Variants in BCAS4 observed in about 807,000 individuals in gnomAD.
The protein encoded by BCAS4 is breast carcinoma-amplified sequence 4.
BCAS4 carries 9 observed loss-of-function variants against 15.7 expected under a neutral mutation model. The ratio of observed to expected loss-of-function variants is 0.57; its 90% CI spans 0.34 to 1.00. BCAS4 has a LOEUF of 1.00. Among genes scored for constraint, BCAS4 ranks in the 50% least tolerant of loss-of-function variants. BCAS4 has a pLI of 0.02. For synonymous variants in BCAS4, 101 were observed against 99.5 expected (o/e 1.02, Z -0.09); for missense variants, 225 against 239.1 (o/e 0.94, Z 0.39).
At chr20:50,868,324 C>T (rs187329123) in intron 4 of BCAS4, among the ~76,000 whole-genome samples, 1 of 152,340 alleles carries the variant, frequency 6.6e-6, no homozygotes, top group East Asian at 1.9e-4. Flanking sequence ...CAGATGCAGA[C>T]AAACAATTTG....
chr20:50,827,653 G>A (rs2088292961), intron 2 of BCAS4, among the ~76,000 whole-genome samples: 1 of 152,106 alleles, frequency 6.6e-6, no homozygotes, highest in Non-Finnish European at 1.5e-5. Context: ...ACACTTTCTT[G>A]CTTTCTGGTG....
At chr20:50,857,739 C>G (rs1978843699) in intron 4 of BCAS4, among the ~76,000 whole-genome samples, 1 of 152,312 alleles carries the variant, frequency 6.6e-6, no homozygotes, top group South Asian at 2.1e-4. Flanking sequence ...TTCCCATAAG[C>G]AACATGAGTC....
At chr20:50,827,425 C>T (rs6063566) in intron 2 of BCAS4, among the ~76,000 whole-genome samples, 33,464 of 152,162 alleles carry the variant, frequency 0.22, 5,292 homozygotes, top group African/African-American at 0.45. Flanking sequence ...GTGGTGCCTG[C>T]GGCTTTCTCC....
intron 1 of BCAS4, among the ~76,000 whole-genome samples, chr20:50,817,747 C>T (rs1049862065): frequency 6.6e-6 from 1 of 152,034 alleles, no homozygotes; most frequent in African/African-American, 2.4e-5. Flanking sequence ...GTATCTGACA[C>T]CGTCTGCAGC....
intron 2 of BCAS4, among the ~76,000 whole-genome samples, chr20:50,827,724 C>G (rs1315813556): frequency 6.6e-6 from 1 of 152,038 alleles, no homozygotes; most frequent in African/African-American, 2.4e-5. Context: ...GGGAGCCCCA[C>G]TTGAATTTTT....
chr20:50,812,432 C>A (rs1013062487), intron 1 of BCAS4, among the ~76,000 whole-genome samples: 2 of 142,886 alleles, frequency 1.4e-5, no homozygotes, highest in African/African-American at 5.3e-5. Flanking sequence ...CTGCGTCTGG[C>A]CTTTTTTTTT....
intron 1 of BCAS4, among the ~76,000 whole-genome samples, chr20:50,795,589 C>G (rs1009175177): frequency 2.0e-5 from 3 of 152,182 alleles, no homozygotes; most frequent in Non-Finnish European, 4.4e-5. Flanking sequence ...AGCGAAAACA[C>G]CACGCCTCTG....
At chr20:50,795,022 G>A (rs1337732983), upstream of BCAS4, 2 of 1,403,664 alleles carry the variant, frequency 1.4e-6, no homozygotes, top group South Asian at 1.5e-5. Context: ...GGGGCTCCGA[G>A]GCCCGGGCGC....
chr20:50,872,718 G>A (rs1979719090), intron 4 of BCAS4, among the ~76,000 whole-genome samples: 1 of 152,232 alleles, frequency 6.6e-6, no homozygotes, highest in African/African-American at 2.4e-5. Context: ...TGAGCTTCCT[G>A]GCTCATGCCC....
rs8184772 is a variant in BCAS4 at position 50,834,398 on chromosome 20, C to T, written c.264+4018C>T. Among the ~76,000 whole-genome samples, 18 of 148,994 alleles carry T rather than the reference C, an allele frequency of 1.2e-4. No homozygotes were observed. The East Asian group carries it at 2.8e-3, about 23-fold the overall frequency. ...GCAACCTCTGCCTCCCAGGTTCGAG[C>T]GATTCTCCTGCCTCAGCCTCCCGAG... is the stretch of plus-strand genomic sequence containing the variant. On this transcript the variant is annotated intron_variant, in intron 3 of 4. Transcript: ENST00000371608.
intron 1 of BCAS4, among the ~76,000 whole-genome samples, chr20:50,806,065 G>T (rs1453098246): frequency 6.6e-6 from 1 of 152,078 alleles, no homozygotes; most frequent in Non-Finnish European, 1.5e-5. Flanking sequence ...TTTATTACCT[G>T]CATGGCTTCG....
chr20:50,821,259 G>A (rs1262999882), intron 2 of BCAS4, among the ~76,000 whole-genome samples: 3 of 152,240 alleles, frequency 2.0e-5, no homozygotes, highest in African/African-American at 7.2e-5. Context: ...AAGAGAACAT[G>A]CATCCTTTTG....
At chr20:50,840,546 G>T in intron 3 of BCAS4, 6 of 1,489,408 alleles carry the variant, frequency 4.0e-6, no homozygotes, top group Non-Finnish European at 5.6e-6. Context: ...GAGTTAAACA[G>T]CTAAAAGAAG....
chr20:50,817,805 G>A (rs1244991692), intron 1 of BCAS4, among the ~76,000 whole-genome samples: 1 of 151,984 alleles, frequency 6.6e-6, no homozygotes, highest in African/African-American at 2.4e-5. Context: ...GTTTATTAGA[G>A]CAGGCTGTGA....
chr20:50,820,940 A>G (rs1234233844), intron 2 of BCAS4, among the ~76,000 whole-genome samples: 1 of 152,158 alleles, frequency 6.6e-6, no homozygotes, highest in Non-Finnish European at 1.5e-5. Flanking sequence ...CATTTTTAGA[A>G]TTTCATGTGA....
intron 1 of BCAS4, among the ~76,000 whole-genome samples, chr20:50,806,862 C>CTTTTTT (rs34670373): frequency 3.6e-5 from 3 of 83,356 alleles, no homozygotes; most frequent in Non-Finnish European, 6.4e-5. Flanking sequence ...TCCATTTATA[C>CTTTTTT]TTTTTTTTTT....
intron 4 of BCAS4, among the ~76,000 whole-genome samples, chr20:50,842,608 G>T (rs1407005068): frequency 2.0e-5 from 3 of 152,184 alleles, no homozygotes; most frequent in Non-Finnish European, 2.9e-5. Flanking sequence ...AGTAGAGATG[G>T]GGTTTCACCA....
chr20:50,822,124 T>TGGGCTGGTTG (rs923573655), intron 2 of BCAS4, among the ~76,000 whole-genome samples: 3 of 152,114 alleles, frequency 2.0e-5, no homozygotes, highest in Admixed American at 6.6e-5. Context: ...GTACCTGGGC[T>TGGGCTGGTTG]GGGCTGGTTG....
intron 1 of BCAS4, among the ~76,000 whole-genome samples, chr20:50,810,447 A>T (rs1055292785): frequency 1.3e-5 from 2 of 152,098 alleles, no homozygotes. Context: ...ACAAGTACCT[A>T]TTAGTTGCCA....
Sources: allele counts gnomAD v4.1 joint callset (sites outside exome capture counted in the v4.1 genomes callset), GRCh38; gene constraint gnomAD v4.1.1; transcripts MANE v1.5; gene names NCBI Gene and HGNC (gene_info 2026-07-23, HGNC 2026-07-21).